The following RIMS4 variants were observed in gnomAD, a reference collection of about 807,000 sequenced individuals.
The protein encoded by RIMS4 is regulating synaptic membrane exocytosis 4.
A neutral mutation model predicts 29.0 loss-of-function variants in RIMS4; 9 were observed. That is an observed-to-expected ratio of 0.31 (90% CI 0.19 to 0.54). RIMS4 has a LOEUF of 0.54. Ranked by LOEUF, RIMS4 falls within the 20% of genes least tolerant of loss-of-function variation. RIMS4 has a pLI of 0.94. For missense variants in RIMS4, 193 were observed against 365.7 expected (o/e 0.53, Z 3.85); for synonymous variants, 130 against 152.9 (o/e 0.85, Z 1.10).
At chr20:44,794,098 C>T (rs997983135) in intron 1 of RIMS4, among the ~76,000 whole-genome samples, 2 of 152,100 alleles carry the variant, frequency 1.3e-5, no homozygotes, top group African/African-American at 4.8e-5. Context: ...TGAGACAGTA[C>T]CCAATTCTAC....
intron 1 of RIMS4, among the ~76,000 whole-genome samples, chr20:44,791,669 T>C (rs1173686748): frequency 6.6e-6 from 1 of 152,198 alleles, no homozygotes; most frequent in Non-Finnish European, 1.5e-5. Context: ...CATGGCTGGC[T>C]GAGGAGGGCT....
intron 1 of RIMS4, among the ~76,000 whole-genome samples, chr20:44,791,401 A>G (rs1242193015): frequency 1.3e-5 from 2 of 152,214 alleles, no homozygotes; most frequent in Non-Finnish European, 2.9e-5. Flanking sequence ...TGGGGGAATT[A>G]CCTAATTTCT....
chr20:44,806,305 G>A (rs2066298505), intron 1 of RIMS4, among the ~76,000 whole-genome samples: 1 of 152,166 alleles, frequency 6.6e-6, no homozygotes, highest in Non-Finnish European at 1.5e-5. Context: ...GCATCTGTTG[G>A]AAACTTGAGA....
chr20:44,769,782 G>A (rs1420994532), intron 2 of RIMS4, among the ~76,000 whole-genome samples: 4 of 152,180 alleles, frequency 2.6e-5, no homozygotes, highest in African/African-American at 9.7e-5. Context: ...GGTGGGGAAG[G>A]CTTTTAGCCA....
At chr20:44,764,231 C>T (rs2066103607) in intron 2 of RIMS4, among the ~76,000 whole-genome samples, 1 of 152,022 alleles carries the variant, frequency 6.6e-6, no homozygotes, top group Admixed American at 6.5e-5. Context: ...TCCATCCGTC[C>T]ATCCATTCAT....
At chr20:44,807,358 G>A (rs779135881) in intron 1 of RIMS4, among the ~76,000 whole-genome samples, 29 of 152,172 alleles carry the variant, frequency 1.9e-4, no homozygotes, top group Non-Finnish European at 3.4e-4. Context: ...AGGCTAATGA[G>A]AAAAAGGCTC....
At chr20:44,776,071 G>C (rs936737614) in intron 1 of RIMS4, among the ~76,000 whole-genome samples, 1 of 152,044 alleles carries the variant, frequency 6.6e-6, no homozygotes, top group Non-Finnish European at 1.5e-5. Flanking sequence ...TTGAGCCCAG[G>C]AGTTTCAGAC....
At chr20:44,798,445 C>T (rs1456785773) in intron 1 of RIMS4, among the ~76,000 whole-genome samples, 2 of 152,146 alleles carry the variant, frequency 1.3e-5, no homozygotes, top group Non-Finnish European at 2.9e-5. Flanking sequence ...TGACCTGAAA[C>T]GAGGGTTGGA....
At chr20:44,780,844 G>A (rs942093479) in intron 1 of RIMS4, among the ~76,000 whole-genome samples, 1 of 152,176 alleles carries the variant, frequency 6.6e-6, no homozygotes, top group Non-Finnish European at 1.5e-5. Flanking sequence ...AAGACACAGA[G>A]ATGAAGTGAG....
chr20:44,778,619 C>T (rs2066170782), intron 1 of RIMS4, among the ~76,000 whole-genome samples: 2 of 150,990 alleles, frequency 1.3e-5, no homozygotes, highest in Non-Finnish European at 3.0e-5. Context: ...GAGCTATGAT[C>T]ACATTGCTGC....
intron 2 of RIMS4, among the ~76,000 whole-genome samples, chr20:44,764,188 A>AT (rs2066101922): frequency 1.0e-4 from 1 of 9,696 alleles, no homozygotes; most frequent in African/African-American, 2.3e-4. Flanking sequence ...CCATCCATCC[A>AT]TTTATCCATC....
chr20:44,788,201 C>T (rs984873811), intron 1 of RIMS4, among the ~76,000 whole-genome samples: 1 of 152,190 alleles, frequency 6.6e-6, no homozygotes, highest in South Asian at 2.1e-4. Flanking sequence ...CTCAGCACAT[C>T]TGGAGTAGCC....
chr20:44,768,514 A>C (rs1480911629), intron 2 of RIMS4, among the ~76,000 whole-genome samples: 3 of 152,202 alleles, frequency 2.0e-5, no homozygotes, highest in Non-Finnish European at 2.9e-5. Flanking sequence ...CCAGTGCCCA[A>C]AATGCCTACA....
intron 2 of RIMS4, among the ~76,000 whole-genome samples, chr20:44,759,936 C>A (rs1193543283): frequency 2.0e-5 from 3 of 152,174 alleles, no homozygotes; most frequent in African/African-American, 7.2e-5. Flanking sequence ...TTCCTACTAC[C>A]CCTGGCTTGC....
At chr20:44,763,658 T>C (rs1361040484) in intron 2 of RIMS4, among the ~76,000 whole-genome samples, 1 of 152,220 alleles carries the variant, frequency 6.6e-6, no homozygotes, top group Non-Finnish European at 1.5e-5. Context: ...TGAGATTCCC[T>C]GCATTTCAAA....
chr20:44,756,093 G>A lies in RIMS4; in HGVS notation c.*41C>T. 6.7e-7 allele frequency: 1 copy of A among 1,489,014 alleles called. No homozygotes were observed. Among genetic ancestry groups the A allele is most frequent in the Non-Finnish European group, 9.2e-7 (1 of 1,085,332 alleles). The allele number at this position is 1,489,014 out of a possible 1,614,324, so 92.2% of individuals were successfully genotyped here. Reference sequence around the variant, plus strand: ...CTGGGGTCCCAGGTCAGGGCTGGGTGGTCTCCAGGCCATCTTGGGGAGCCC... The same window carrying A: ...CTGGGGTCCCAGGTCAGGGCTGGGTAGTCTCCAGGCCATCTTGGGGAGCCC... On this transcript the variant is annotated 3_prime_UTR_variant, in exon 6 of 6. Coordinates refer to ENST00000372851, the MANE Select transcript of RIMS4 (RefSeq NM_182970.4). This position sits in a 1 kb window ranked among gnomAD's most constrained non-coding sequence, Gnocchi z 5.9.
chr20:44,772,859 G>C (rs1489282999), intron 1 of RIMS4, among the ~76,000 whole-genome samples: 1 of 152,128 alleles, frequency 6.6e-6, no homozygotes, highest in Non-Finnish European at 1.5e-5. Context: ...GGGCAAGCCA[G>C]GACAGCTCCC....
At chr20:44,801,787 T>C (rs566932726) in intron 1 of RIMS4, among the ~76,000 whole-genome samples, 30 of 152,286 alleles carry the variant, frequency 2.0e-4, no homozygotes, top group African/African-American at 5.8e-4. Flanking sequence ...ATTTGGATCA[T>C]AGACTCTGTG....
rs528413328 is a variant in RIMS4, at chr20:44,758,049, G to A, written c.349+23C>T. 5 of 1,545,194 alleles carry A rather than the reference G, an allele frequency of 3.2e-6. No homozygotes were observed. The African/African-American group carries it at 6.8e-5, about 21-fold the overall frequency. On this transcript the variant is annotated intron_variant, in intron 3 of 5. Coordinates refer to ENST00000372851, the MANE Select transcript of RIMS4 (RefSeq NM_182970.4). The stretch of plus-strand genomic sequence containing the variant: ...GACACCCAACTCCCCTAGTCCATTT[G>A]AAACCAGCCTTGGGGCACTCACCCA...
Sources: allele counts gnomAD v4.1 joint callset (sites outside exome capture counted in the v4.1 genomes callset), GRCh38; gene constraint gnomAD v4.1.1; non-coding constraint Gnocchi (gnomAD v3.1); transcripts MANE v1.5; gene names NCBI Gene and HGNC (gene_info 2026-07-23, HGNC 2026-07-21).